The following TTBK2 variants were observed in gnomAD, a reference collection of about 807,000 sequenced individuals.
TTBK2 encodes tau tubulin kinase 2.
In TTBK2, 28 loss-of-function variants were observed where a neutral mutation model predicts 110.8. The ratio of observed to expected loss-of-function variants is 0.25; its 90% CI spans 0.19 to 0.35. The LOEUF (loss-of-function observed/expected upper bound fraction) is 0.35, where lower values mean the gene tolerates loss of function less well. TTBK2 is among the 10% of genes least tolerant of loss of function. TTBK2 has a pLI of 1.00. For missense variants in TTBK2, 1,369 were observed against 1,500.3 expected, an observed-to-expected ratio of 0.91 and a Z score of 1.45; for synonymous variants, 532 against 527.3, an observed-to-expected ratio of 1.01 and a Z score of -0.12.
chr15:42,751,964 A>G lies in TTBK2; in HGVS notation c.3272+10T>C, dbSNP rs1398756175. ...TACACACTTAACACAGGGAGAGCAC[A>G]CAGCATTACCTGGCTTCTACTCCAG... On this transcript the variant is annotated intron_variant, in intron 14 of 14. Transcript: ENST00000267890. 3.1e-6 allele frequency: 5 copies of G among 1,614,156 alleles called. No homozygotes were observed. The highest frequency in any genetic ancestry group is 4.2e-6 in the Non-Finnish European group (5 of 1,180,024).
At chr15:42,781,780 G>A (rs1037876815) in intron 11 of TTBK2, among the ~76,000 whole-genome samples, 1 of 152,008 alleles carries the variant, frequency 6.6e-6, no homozygotes, top group Non-Finnish European at 1.5e-5. Flanking sequence ...ACTTATTAAG[G>A]TTTGTTTTGT....
chr15:42,793,801 C>T (rs1890808075), intron 10 of TTBK2, among the ~76,000 whole-genome samples: 1 of 151,596 alleles, frequency 6.6e-6, no homozygotes, highest in African/African-American at 2.4e-5. Flanking sequence ...TGTGCCACTG[C>T]ACTCCAGCCT....
Position 42,752,751 on chromosome 15 carries a change from C to A in TTBK2, c.2495G>T (p.Ser832Ile). ...PLDVTKTQTFSVVPNQDKNNE... is the reference protein window; with the variant it reads ...PLDVTKTQTFIVVPNQDKNNE... ...ATTTTTGTCTTGATTTGGCACCACA[C>A]TAAAAGTCTGTGTTTTTGTCACATC... The change falls in exon 14 of 15, where the codon AGT (serine) becomes ATT (isoleucine). Residue 832 changes from serine (S) to isoleucine (I), a missense_variant. Physicochemically the swap from Ser to Ile is moderately radical, Grantham distance 142. This residue lies in a region of TTBK2 where 1,097 missense variants were observed against 1,114.7 expected (regional missense o/e 0.98). Coordinates refer to ENST00000267890, the MANE Select transcript of TTBK2 (RefSeq NM_173500.4). 1 of 1,614,182 alleles carries A rather than the reference C, an allele frequency of 6.2e-7. No individual in the cohort carries two copies.
chr15:42,774,693 C>T (rs183841055), intron 13 of TTBK2, among the ~76,000 whole-genome samples: 1 of 152,164 alleles, frequency 6.6e-6, no homozygotes, highest in Admixed American at 6.5e-5. Context: ...ATGAGAAATT[C>T]CTGGGTGGAC....
At chr15:42,864,727 A>T (rs1162526892) in intron 3 of TTBK2, among the ~76,000 whole-genome samples, 1 of 152,182 alleles carries the variant, frequency 6.6e-6, no homozygotes, top group African/African-American at 2.4e-5. Context: ...GACTTCTCTT[A>T]CAAGACATGT....
chr15:42,772,094 T>C (rs1052112198), intron 13 of TTBK2, among the ~76,000 whole-genome samples: 2 of 152,154 alleles, frequency 1.3e-5, no homozygotes, highest in African/African-American at 4.8e-5. Context: ...CACCCTCGTA[T>C]AGACCCTCAT....
At chr15:42,898,534 G>GA (rs1047704456) in intron 1 of TTBK2, among the ~76,000 whole-genome samples, 10 of 149,204 alleles carry the variant, frequency 6.7e-5, no homozygotes, top group Admixed American at 2.0e-4. Flanking sequence ...AAAAGAAAAA[G>GA]AAAAAAAAAG....
At chr15:42,914,516 A>G (rs1036701308) in intron 1 of TTBK2, among the ~76,000 whole-genome samples, 1 of 152,152 alleles carries the variant, frequency 6.6e-6, no homozygotes, top group African/African-American at 2.4e-5. Context: ...GTGTAAAACC[A>G]TAACATAGGA....
chr15:42,772,016 G>A (rs374305075), intron 13 of TTBK2, among the ~76,000 whole-genome samples: 1 of 152,124 alleles, frequency 6.6e-6, no homozygotes, highest in East Asian at 1.9e-4. Flanking sequence ...AAGTATAAAC[G>A]TAAGGTAATA....
intron 6 of TTBK2, among the ~76,000 whole-genome samples, chr15:42,818,190 C>T (rs1892121596): frequency 6.6e-6 from 1 of 152,178 alleles, no homozygotes; most frequent in African/African-American, 2.4e-5. Flanking sequence ...ATCCTCCTGC[C>T]TCAGCCTCCC....
At chr15:42,776,825 G>C (rs1595898476) in intron 12 of TTBK2, 3 of 622,226 alleles carry the variant, frequency 4.8e-6, no homozygotes, top group Non-Finnish European at 8.3e-6. Flanking sequence ...ACATGCTATA[G>C]AATTTATAAT....
At chr15:42,764,080 A>T (rs1205391770) in intron 13 of TTBK2, among the ~76,000 whole-genome samples, 1 of 152,228 alleles carries the variant, frequency 6.6e-6, no homozygotes, top group Non-Finnish European at 1.5e-5. Context: ...CTACAGGATT[A>T]AACAGTCACT....
chr15:42,757,926 T>G (rs2061970109), intron 13 of TTBK2, among the ~76,000 whole-genome samples: 2 of 152,230 alleles, frequency 1.3e-5, no homozygotes, highest in Non-Finnish European at 2.9e-5. Context: ...TAGTACTGTT[T>G]GACCAAAATT....
At chr15:42,826,719 T>G (rs1402695581) in intron 6 of TTBK2, among the ~76,000 whole-genome samples, 1 of 152,228 alleles carries the variant, frequency 6.6e-6, no homozygotes, top group African/African-American at 2.4e-5. Flanking sequence ...CCGGAGTCAT[T>G]CTGAACCTAT....
chr15:42,861,940 C>T (rs903844383), intron 3 of TTBK2, among the ~76,000 whole-genome samples: 4 of 152,062 alleles, frequency 2.6e-5, no homozygotes, highest in Non-Finnish European at 2.9e-5. Context: ...AAAGATCCTC[C>T]GAAGTTATTA....
At chr15:42,811,860 G>C in intron 7 of TTBK2, 80 bp from the exon 8 acceptor site, 1 of 1,294,752 alleles carries the variant, frequency 7.7e-7, no homozygotes, top group South Asian at 1.3e-5. Flanking sequence ...TAACCATTTT[G>C]TTTCACCTTA....
chr15:42,842,812 G>C (rs1405891522), intron 3 of TTBK2, among the ~76,000 whole-genome samples: 1 of 151,978 alleles, frequency 6.6e-6, no homozygotes, highest in Admixed American at 6.6e-5. Context: ...GTTTATAAAG[G>C]GGGTATAAGC....
intron 6 of TTBK2, among the ~76,000 whole-genome samples, chr15:42,817,929 C>T (rs551678824): frequency 2.0e-5 from 3 of 152,282 alleles, no homozygotes; most frequent in African/African-American, 4.8e-5. Flanking sequence ...GAGAAACTTT[C>T]CTTAATCATC....
At chr15:42,828,065 C>T (rs763159444) in intron 5 of TTBK2, 33 bp from the exon 6 acceptor site, 1 of 1,473,558 alleles carries the variant, frequency 6.8e-7, no homozygotes. Context: ...TATATACATT[C>T]TTATAATACT....
Sources: allele counts gnomAD v4.1 joint callset (sites outside exome capture counted in the v4.1 genomes callset), GRCh38; gene constraint gnomAD v4.1.1; regional missense constraint gnomAD v4.1.1; transcripts MANE v1.5; gene names NCBI Gene and HGNC (gene_info 2026-07-23, HGNC 2026-07-21).